The following CSMD2 variants were observed in gnomAD, a reference collection of about 807,000 sequenced individuals.
CSMD2 encodes CUB and Sushi multiple domains 2.
A neutral mutation model predicts 398.5 loss-of-function variants in CSMD2; 130 were observed. That is an observed-to-expected ratio of 0.33 (90% CI 0.28 to 0.38). The LOEUF is 0.38. CSMD2 is among the 10% of genes least tolerant of loss of function. The pLI is 1.00. For missense variants in CSMD2, 3,829 were observed against 4,764.9 expected, an observed-to-expected ratio of 0.80 and a Z score of 5.78; for synonymous variants, 1,828 against 1,908.5, an observed-to-expected ratio of 0.96 and a Z score of 1.10.
At chr1:33,681,616 T>C (rs1644910674) in intron 25 of CSMD2, among the ~76,000 whole-genome samples, 1 of 152,196 alleles carries the variant, frequency 6.6e-6, no homozygotes, top group Non-Finnish European at 1.5e-5. Flanking sequence ...ATTGTATGTC[T>C]GTATTAGCTT....
intron 10 of CSMD2, among the ~76,000 whole-genome samples, chr1:33,798,260 C>T (rs1397643806): frequency 2.0e-5 from 3 of 152,232 alleles, no homozygotes; most frequent in African/African-American, 4.8e-5. Flanking sequence ...ACAGCTCAGA[C>T]ACCCAATTTA....
chr1:33,534,350 G>A (rs1230752183), intron 62 of CSMD2, among the ~76,000 whole-genome samples: 1 of 152,216 alleles, frequency 6.6e-6, no homozygotes, highest in African/African-American at 2.4e-5. Context: ...GTGAAGAAGA[G>A]TGCAAATTAA....
chr1:33,891,198 T>G (rs1432029574), intron 5 of CSMD2, among the ~76,000 whole-genome samples: 107 of 88,982 alleles, frequency 1.2e-3, no homozygotes, highest in East Asian at 7.3e-3. Flanking sequence ...CAAACAAATT[T>G]ACAAGAAAAA....
rs976036487 is a variant in CSMD2, at chr1:33,772,610, T to C, written c.1805A>G (p.Gln602Arg). Residue 602 changes from glutamine to arginine, a missense_variant, in exon 13 of 71, where the codon CAA (glutamine) becomes CGA (arginine). Gln to Arg is a conservative substitution (Grantham distance 43). Around this residue, in one of 5 missense-constraint regions of CSMD2, gnomAD observed 2,001 missense variants for 2,567.1 expected, o/e 0.78. Transcript: ENST00000373381. The part of the protein sequence containing the change: ...ELVGQKAITC[Q>R]KNNQWSAKKP... ...CTTAGCCGACCATTGGTTATTCTTT[T>C]GGCATGTGATTGCCTTCTGTCCCAC... 6 of 1,613,980 alleles carry C rather than the reference T, an allele frequency of 3.7e-6. No homozygotes were observed. The highest frequency in any genetic ancestry group is 1.3e-5 in the African/African-American group (1 of 74,920).
chr1:33,531,956 A>G (rs990175478), intron 64 of CSMD2, among the ~76,000 whole-genome samples: 5 of 152,232 alleles, frequency 3.3e-5, no homozygotes, highest in African/African-American at 1.2e-4. Flanking sequence ...TTAAAATTGT[A>G]TATTATGTAT....
At chr1:33,627,897 A>G (rs1316140221) in intron 32 of CSMD2, among the ~76,000 whole-genome samples, 2 of 152,244 alleles carry the variant, frequency 1.3e-5, no homozygotes, top group Non-Finnish European at 2.9e-5. Context: ...CACAGAACCC[A>G]TGTCAACTGC....
intron 32 of CSMD2, among the ~76,000 whole-genome samples, chr1:33,628,217 G>A (rs890867210): frequency 2.0e-5 from 3 of 152,064 alleles, no homozygotes; most frequent in Admixed American, 6.5e-5. Flanking sequence ...CAGTGAAGTC[G>A]AGATGAAATT....
intron 6 of CSMD2, among the ~76,000 whole-genome samples, chr1:33,836,828 C>T (rs1439320597): frequency 6.6e-6 from 1 of 152,196 alleles, no homozygotes; most frequent in East Asian, 1.9e-4. Flanking sequence ...GGCCATGCCT[C>T]GCCCTGCTTC....
At chr1:33,820,584 A>G (rs78025260) in intron 7 of CSMD2, 28 bp from the exon 8 acceptor site, 2 of 1,132,920 alleles carry the variant, frequency 1.8e-6, no homozygotes, top group Non-Finnish European at 2.6e-6. Context: ...AAAAAAAAAA[A>G]AAAACAGCAC....
chr1:34,007,022 G>C (rs536348119), intron 3 of CSMD2, among the ~76,000 whole-genome samples: 1 of 152,250 alleles, frequency 6.6e-6, no homozygotes, highest in South Asian at 2.1e-4. Context: ...ATCTAGTCTG[G>C]AAAGAGGCAT....
chr1:33,991,821 T>C (rs982299477), intron 3 of CSMD2, among the ~76,000 whole-genome samples: 2 of 151,252 alleles, frequency 1.3e-5, no homozygotes, highest in South Asian at 2.1e-4. Context: ...CCATAACATA[T>C]ATAATGGACA....
At chr1:33,903,889 T>C (rs1041575832) in intron 5 of CSMD2, among the ~76,000 whole-genome samples, 2 of 152,202 alleles carry the variant, frequency 1.3e-5, no homozygotes, top group African/African-American at 4.8e-5. Context: ...TTTGTTTTTT[T>C]AACTTGGAAG....
chr1:34,048,425 A>G (rs529687161), intron 2 of CSMD2, among the ~76,000 whole-genome samples: 1 of 152,348 alleles, frequency 6.6e-6, no homozygotes, highest in African/African-American at 2.4e-5. Context: ...TGTGTGCCAG[A>G]GAGACACAAA....
intron 2 of CSMD2, among the ~76,000 whole-genome samples, chr1:34,034,430 C>T (rs1650857933): frequency 6.6e-6 from 1 of 152,224 alleles, no homozygotes; most frequent in African/African-American, 2.4e-5. Context: ...TATTTTTGGA[C>T]CTTAAACTAC....
intron 27 of CSMD2, 96 bp downstream of exon 27, chr1:33,657,850 G>A: frequency 8.1e-7 from 1 of 1,231,392 alleles, no homozygotes; most frequent in Non-Finnish European, 1.1e-6. Context: ...AATTCTCTTG[G>A]CCCCAGGCCC....
At chr1:33,675,231 A>C (rs1462763458) in intron 25 of CSMD2, among the ~76,000 whole-genome samples, 1 of 152,142 alleles carries the variant, frequency 6.6e-6, no homozygotes, top group Non-Finnish European at 1.5e-5. Flanking sequence ...TAAAGAAGAA[A>C]AGAGAGAAGA....
Position 33,825,735 on chromosome 1 carries a change from A to C in CSMD2, c.1073T>G (p.Leu358Arg). Residue 358 changes from leucine to arginine, a missense_variant, in exon 7 of 71, where the codon CTG becomes CGG. This residue lies in a region of CSMD2 where 2,001 missense variants were observed against 2,567.1 expected (regional missense o/e 0.78). Coordinates refer to ENST00000373381, the MANE Select transcript of CSMD2 (RefSeq NM_001281956.2). ...CTGGCTGTTGTCTTTGCTGGGCATC[A>C]GCTTCACACCTCGAGACTTCAACTC... ...QIELKSRGVK[L>R]MPSKDNSQKT... 1 of 1,614,006 alleles carries C rather than the reference A, an allele frequency of 6.2e-7. No homozygotes were observed.
intron 3 of CSMD2, among the ~76,000 whole-genome samples, chr1:34,028,362 TAC>T (rs1402817583): frequency 6.6e-6 from 1 of 152,162 alleles, no homozygotes; most frequent in Non-Finnish European, 1.5e-5. Flanking sequence ...GGGGTATACT[TAC>T]ACTAAACATT....
chr1:33,686,826 C>T (rs1645076012), intron 25 of CSMD2, among the ~76,000 whole-genome samples: 1 of 152,188 alleles, frequency 6.6e-6, no homozygotes, highest in South Asian at 2.1e-4. Flanking sequence ...CATGCTCCCA[C>T]CCACAGTACA....
Sources: allele counts gnomAD v4.1 joint callset (sites outside exome capture counted in the v4.1 genomes callset), GRCh38; gene constraint gnomAD v4.1.1; regional missense constraint gnomAD v4.1.1; transcripts MANE v1.5; gene names NCBI Gene and HGNC (gene_info 2026-07-23, HGNC 2026-07-21).